The following DNAJC1 variants were observed in gnomAD, a reference collection of about 807,000 sequenced individuals.
DNAJC1 encodes the protein DnaJ heat shock protein family (Hsp40) member C1.
DNAJC1 carries 58 observed loss-of-function variants against 76.6 expected under a neutral mutation model. The ratio of observed to expected loss-of-function variants is 0.76; its 90% CI spans 0.61 to 0.94. DNAJC1 has a LOEUF of 0.94. Among genes scored for constraint, DNAJC1 ranks in the 40% least tolerant of loss-of-function variants. The probability of loss-of-function intolerance (pLI) is 0.00; values close to 1 mark genes in which losing one functional copy is unlikely to be tolerated. For missense variants in DNAJC1, 689 were observed against 677.3 expected (o/e 1.02, Z -0.19); for synonymous variants, 258 against 267.9 (o/e 0.96, Z 0.36).
chr10:21,982,344 T>G (rs1358449958), intron 1 of DNAJC1, among the ~76,000 whole-genome samples: 2 of 152,002 alleles, frequency 1.3e-5, no homozygotes, highest in South Asian at 4.1e-4. Flanking sequence ...TTAGATTTGG[T>G]GATGATTTTT....
chr10:21,771,068 A>C (rs1175435688), intron 9 of DNAJC1, among the ~76,000 whole-genome samples: 1 of 152,136 alleles, frequency 6.6e-6, no homozygotes, highest in Non-Finnish European at 1.5e-5. Flanking sequence ...GCAATTATGA[A>C]TGTCATTAAT....
At chr10:21,920,987 T>C (rs775663761) in intron 3 of DNAJC1, 24 bp from the exon 4 acceptor site, 10 of 1,505,118 alleles carry the variant, frequency 6.6e-6, no homozygotes, top group African/African-American at 1.4e-5. Flanking sequence ...ATAACAGTTT[T>C]TCACGGGGAG....
At chr10:21,769,239 C>A (rs963695980) in intron 9 of DNAJC1, among the ~76,000 whole-genome samples, 7 of 152,184 alleles carry the variant, frequency 4.6e-5, no homozygotes, top group African/African-American at 1.7e-4. Context: ...CCTTGGAATG[C>A]CAGTCTCATA....
In DNAJC1 at chr10:21,908,497, G is replaced by GGT. The variant is rs1047819011; in HGVS notation, c.730-3886_730-3885insAC. On this transcript the variant is annotated intron_variant, in intron 6 of 11. Coordinates refer to ENST00000376980, the MANE Select transcript of DNAJC1 (RefSeq NM_022365.4). ...TTCCCTCCCATTTTTCATGGGGGGG[G>GGT]GGTGAATTCAAGTGAATAAAATTAT... is the stretch of plus-strand genomic sequence containing the variant. Among the ~76,000 whole-genome samples, 24 of 148,778 alleles carry GGT rather than the reference G, an allele frequency of 1.6e-4. 1 individual carries two copies. The highest frequency in any genetic ancestry group is 1.0e-3 in the Admixed American group (15 of 14,774).
intron 9 of DNAJC1, among the ~76,000 whole-genome samples, chr10:21,774,686 C>A (rs780848452): frequency 4.0e-4 from 61 of 152,136 alleles, no homozygotes; most frequent in Non-Finnish European, 7.3e-4. Flanking sequence ...ACCATGTTAG[C>A]CAGGATGGTC....
chr10:21,946,233 G>A (rs1837503664), intron 1 of DNAJC1, among the ~76,000 whole-genome samples: 2 of 151,244 alleles, frequency 1.3e-5, no homozygotes, highest in Admixed American at 1.3e-4. Context: ...GTAGAGATGG[G>A]GTTTCATCGT....
intron 9 of DNAJC1, among the ~76,000 whole-genome samples, chr10:21,779,322 T>G (rs750902932): frequency 6.6e-6 from 1 of 152,010 alleles, no homozygotes; most frequent in Non-Finnish European, 1.5e-5. Context: ...GACCCCCGAG[T>G]AGCCTGTCTG....
In DNAJC1 at chr10:21,759,265, G is replaced by C; in HGVS notation, c.1501C>G (p.Gln501Glu). 6.2e-7 allele frequency: 1 copy of C among 1,614,212 alleles called. No individual in the cohort carries two copies. Among genetic ancestry groups the C allele is most frequent in the Non-Finnish European group, 8.5e-7 (1 of 1,180,040 alleles). The stretch of plus-strand genomic sequence containing the variant: ...AACGCCAGTTCCAGAAGTTTCTGTT[G>C]ATTTTGAGTCCACGGCTCCTCTGCA... The part of the protein sequence containing the change: ...RSAEEPWTQN[Q>E]QKLLELALQQ... Residue 501 changes from glutamine (Q) to glutamate (E), a missense_variant, in exon 11 of 12, where the codon CAA (glutamine) becomes GAA (glutamate). Physicochemically the swap from Gln to Glu is conservative, Grantham distance 29 (BLOSUM62 2). Coordinates refer to ENST00000376980, the MANE Select transcript of DNAJC1 (RefSeq NM_022365.4).
intron 1 of DNAJC1, among the ~76,000 whole-genome samples, chr10:21,982,889 A>G (rs968179372): frequency 1.3e-5 from 2 of 152,168 alleles, no homozygotes; most frequent in Admixed American, 6.5e-5. Flanking sequence ...TTTCTCTACA[A>G]AAATTTTTTT....
chr10:21,843,392 CTTTT>C (rs34760207), intron 8 of DNAJC1, among the ~76,000 whole-genome samples: 1 of 134,428 alleles, frequency 7.4e-6, no homozygotes, highest in African/African-American at 2.8e-5. Flanking sequence ...AGAGGTTTCC[CTTTT>C]TTTTTTTTTT....
chr10:21,836,499 G>A (rs1479771412), intron 8 of DNAJC1, among the ~76,000 whole-genome samples: 1 of 152,170 alleles, frequency 6.6e-6, no homozygotes, highest in Non-Finnish European at 1.5e-5. Flanking sequence ...AATGTAAATA[G>A]GCTAAATGCT....
At chr10:21,849,094 A>T (rs890927593) in intron 8 of DNAJC1, among the ~76,000 whole-genome samples, 5 of 151,904 alleles carry the variant, frequency 3.3e-5, no homozygotes, top group Non-Finnish European at 7.4e-5. Flanking sequence ...GTTCAAGACC[A>T]ATCTGGCCAA....
At chr10:21,769,186 T>A (rs184640409) in intron 9 of DNAJC1, among the ~76,000 whole-genome samples, 1 of 152,202 alleles carries the variant, frequency 6.6e-6, no homozygotes, top group Non-Finnish European at 1.5e-5. Context: ...GATAATACTT[T>A]AGAAAAGAAA....
rs11498367 is a variant in DNAJC1 at position 21,792,207 on chromosome 10, A to C, written c.1098+13773T>G. ...AATAGACCCGTAATAACTTAAAAAC[A>C]AATGAATTAGTAACTAAAAGTCTTC... On this transcript the variant is annotated intron_variant, in intron 9 of 11. Transcript: ENST00000376980. Among the ~76,000 whole-genome samples the C allele has an allele frequency of 2.4e-3, 368 of 152,362 alleles. 1 individual carries two copies. The highest frequency in any genetic ancestry group is 8.6e-3 in the African/African-American group (358 of 41,590).
chr10:21,891,476 C>CAAAAAAAAAA (rs369729722), intron 7 of DNAJC1, among the ~76,000 whole-genome samples: 12 of 38,842 alleles, frequency 3.1e-4, no homozygotes, highest in Non-Finnish European at 4.6e-4. Flanking sequence ...ACAAAGTAGA[C>CAAAAAAAAAA]AAAAAAAAAA....
chr10:21,802,547 AC>A (rs1834824996), intron 9 of DNAJC1, among the ~76,000 whole-genome samples: 1 of 152,108 alleles, frequency 6.6e-6, no homozygotes, highest in Non-Finnish European at 1.5e-5. Context: ...TACATATATA[AC>A]TACACACCCC....
chr10:21,825,977 C>T (rs966397538), intron 8 of DNAJC1, among the ~76,000 whole-genome samples: 3 of 152,072 alleles, frequency 2.0e-5, no homozygotes, highest in Non-Finnish European at 4.4e-5. Flanking sequence ...TGGCTCATGC[C>T]TGTAATCCCA....
At chr10:21,907,819 A>G (rs948938230) in intron 6 of DNAJC1, among the ~76,000 whole-genome samples, 21 of 150,496 alleles carry the variant, frequency 1.4e-4, no homozygotes, top group African/African-American at 5.1e-4. Flanking sequence ...TGTACTAAAA[A>G]TACAAAAAAT....
chr10:21,979,499 G>T (rs1344936264), intron 1 of DNAJC1, among the ~76,000 whole-genome samples: 1 of 151,940 alleles, frequency 6.6e-6, no homozygotes, highest in African/African-American at 2.4e-5. Flanking sequence ...TGCTTATAAG[G>T]TTCCACAGAT....
Sources: allele counts gnomAD v4.1 joint callset (sites outside exome capture counted in the v4.1 genomes callset), GRCh38; gene constraint gnomAD v4.1.1; transcripts MANE v1.5; gene names NCBI Gene and HGNC (gene_info 2026-07-23, HGNC 2026-07-21).